ANKRD30B: variants seen among roughly 807,000 people sequenced by gnomAD.
ANKRD30B encodes the protein ankyrin repeat domain-containing protein 30B.
In ANKRD30B, 144 loss-of-function variants were observed where a neutral mutation model predicts 202.2. That is an observed-to-expected ratio of 0.71 (90% CI 0.62 to 0.82). The LOEUF (loss-of-function observed/expected upper bound fraction) is 0.82, where lower values mean the gene tolerates loss of function less well. Ranked by LOEUF, ANKRD30B falls within the 40% of genes least tolerant of loss-of-function variation. The probability of loss-of-function intolerance (pLI) is 0.00; values close to 1 mark genes in which losing one functional copy is unlikely to be tolerated. For synonymous variants in ANKRD30B, 508 were observed against 561.3 expected, an observed-to-expected ratio of 0.91 and a Z score of 1.34; for missense variants, 1,487 against 1,669.1, an observed-to-expected ratio of 0.89 and a Z score of 1.90.
chr18:14,921,220 T>C, the ANKRD30B span, among the ~76,000 whole-genome samples: 2 of 151,302 alleles, frequency 1.3e-5, no homozygotes, highest in African/African-American at 4.9e-5. Context: ...ATGAGGCATG[T>C]GTTTAGATAC....
At chr18:14,890,293 C>T in the ANKRD30B span, among the ~76,000 whole-genome samples, 2,547 of 151,858 alleles carry the variant, frequency 0.017, 77 homozygotes, top group African/African-American at 0.057. Context: ...TGCAAACTGA[C>T]GGTTTTTTAT....
the ANKRD30B span, among the ~76,000 whole-genome samples, chr18:14,901,005 A>G: frequency 6.6e-6 from 1 of 152,190 alleles, no homozygotes; most frequent in South Asian, 2.1e-4. Flanking sequence ...ATTTCATTTT[A>G]CTTCAAATGC....
intron 34 of ANKRD30B, among the ~76,000 whole-genome samples, chr18:14,836,842 TGTC>T (rs1437424409): frequency 2.0e-5 from 3 of 151,932 alleles, no homozygotes; most frequent in Non-Finnish European, 4.4e-5. Flanking sequence ...CTCTGCACGT[TGTC>T]TGTCCTTCCC....
the ANKRD30B span, among the ~76,000 whole-genome samples, chr18:14,860,967 C>G: frequency 2.6e-5 from 4 of 152,200 alleles, no homozygotes; most frequent in African/African-American, 7.2e-5. Flanking sequence ...TCCCAAAGTG[C>G]TAGGATTACA....
the ANKRD30B span, among the ~76,000 whole-genome samples, chr18:14,915,021 C>G: frequency 2.0e-5 from 3 of 152,136 alleles, no homozygotes; most frequent in Non-Finnish European, 4.4e-5. Context: ...CCCAAAATAG[C>G]ATGGTCAGGT....
the ANKRD30B span, among the ~76,000 whole-genome samples, chr18:14,924,130 T>C: frequency 6.6e-6 from 1 of 152,180 alleles, no homozygotes; most frequent in Non-Finnish European, 1.5e-5. Context: ...ACTCTGAATC[T>C]CTCTTTCCTT....
intron 14 of ANKRD30B, among the ~76,000 whole-genome samples, chr18:14,785,768 A>G (rs1420423902): frequency 2.6e-5 from 4 of 152,308 alleles, no homozygotes; most frequent in Admixed American, 2.0e-4. Context: ...ATCACAGGTT[A>G]AATTTACTTT....
At chr18:14,770,287 A>T (rs1409397128) in intron 8 of ANKRD30B, among the ~76,000 whole-genome samples, 2 of 152,184 alleles carry the variant, frequency 1.3e-5, no homozygotes, top group Non-Finnish European at 2.9e-5. Flanking sequence ...CTTGGAGGCT[A>T]ATCAAAATAC....
the ANKRD30B span, among the ~76,000 whole-genome samples, chr18:14,899,099 G>A: frequency 6.6e-6 from 1 of 151,916 alleles, no homozygotes; most frequent in Non-Finnish European, 1.5e-5. Context: ...CATTATTTTA[G>A]AGTTTGAATA....
At position 14,854,596 on chromosome 18, in the gene ANKRD30B, A is replaced by G. The variant is rs1180911805; in HGVS notation, c.*438A>G. Among the ~76,000 whole-genome samples, 1 of 152,212 alleles carries G rather than the reference A, an allele frequency of 6.6e-6. No homozygotes were observed. Among genetic ancestry groups the G allele is most frequent in the Non-Finnish European group, 1.5e-5 (1 of 68,046 alleles). On this transcript the variant is annotated 3_prime_UTR_variant, in exon 44 of 44. Transcript: ENST00000690538. ...ATAGTTTTCAGTAAAATACTGGACA[A>G]TAGAGTTTATAGTCTCCCATTTAGG...
intron 34 of ANKRD30B, among the ~76,000 whole-genome samples, chr18:14,833,799 A>G (rs1971058267): frequency 6.6e-6 from 1 of 152,044 alleles, no homozygotes; most frequent in Non-Finnish European, 1.5e-5. Flanking sequence ...CTTTTCTTTC[A>G]CGACTGAAGC....
At chr18:14,843,883 G>A (rs1971527001) in intron 39 of ANKRD30B, among the ~76,000 whole-genome samples, 1 of 152,102 alleles carries the variant, frequency 6.6e-6, no homozygotes, top group Non-Finnish European at 1.5e-5. Flanking sequence ...CTGTGATTCT[G>A]AAGCATTTGG....
At chr18:14,779,915 A>T in intron 10 of ANKRD30B, 45 bp from the exon 11 acceptor site, 1 of 1,330,060 alleles carries the variant, frequency 7.5e-7, no homozygotes, top group Non-Finnish European at 1.1e-6. Context: ...TAAAATTTAT[A>T]ATAAGGAATG....
intron 8 of ANKRD30B, among the ~76,000 whole-genome samples, chr18:14,769,581 G>C (rs1916777542): frequency 6.6e-6 from 1 of 152,204 alleles, no homozygotes; most frequent in Non-Finnish European, 1.5e-5. Flanking sequence ...GGTTCAGAGA[G>C]GTTGATTAAT....
At chr18:14,815,229 G>A (rs1300682671) in intron 30 of ANKRD30B, among the ~76,000 whole-genome samples, 2 of 110,966 alleles carry the variant, frequency 1.8e-5, no homozygotes, top group Non-Finnish European at 3.6e-5. Context: ...GGAAGCAGCT[G>A]ACCATGGAGA....
the ANKRD30B span, among the ~76,000 whole-genome samples, chr18:14,882,412 T>G: frequency 1.3e-5 from 2 of 152,256 alleles, no homozygotes; most frequent in Non-Finnish European, 2.9e-5. Flanking sequence ...TTTGCATGGT[T>G]TTGAAGATTC....
In ANKRD30B at chr18:14,784,457, A is replaced by C. The variant is rs1212826072; in HGVS notation, c.1600-6A>C. On this transcript the variant is annotated splice_polypyrimidine_tract_variant and splice_region_variant and intron_variant, in intron 13 of 43. Transcript: ENST00000690538. ...TATTGATCATTTTTCTTCCAAACCC[A>C]TTTAGCCTGCCGTTGAAATGCAAAA... is the stretch of plus-strand genomic sequence containing the variant. The C allele has an allele frequency of 6.2e-7, 1 of 1,613,230 alleles. No homozygotes were observed. Among genetic ancestry groups the C allele is most frequent in the African/African-American group, 1.3e-5 (1 of 74,892 alleles).
At chr18:14,906,691 T>C in the ANKRD30B span, among the ~76,000 whole-genome samples, 50 of 152,264 alleles carry the variant, frequency 3.3e-4, no homozygotes, top group Non-Finnish European at 1.8e-4. Flanking sequence ...GTCCCATTGA[T>C]GAAAAGAACC....
chr18:14,828,961 T>A (rs1159994563), intron 33 of ANKRD30B, among the ~76,000 whole-genome samples: 1 of 152,226 alleles, frequency 6.6e-6, no homozygotes, highest in Non-Finnish European at 1.5e-5. Flanking sequence ...CTATTTCTTA[T>A]AGAATTCTCT....
Sources: allele counts gnomAD v4.1 joint callset (sites outside exome capture counted in the v4.1 genomes callset), GRCh38; gene constraint gnomAD v4.1.1; transcripts MANE v1.5; gene names NCBI Gene and HGNC (gene_info 2026-07-23, HGNC 2026-07-21).